Variants in SLC37A1 observed in about 807,000 individuals in gnomAD.
SLC37A1 encodes glucose-6-phosphate exchanger SLC37A1.
SLC37A1 carries 49 observed loss-of-function variants against 75.3 expected under a neutral mutation model. The observed-to-expected ratio is 0.65, with a 90% CI of 0.52 to 0.83. SLC37A1 has a LOEUF of 0.83. Ranked by LOEUF, SLC37A1 falls within the 40% of genes least tolerant of loss-of-function variation. The pLI is 0.00. For missense variants in SLC37A1, 566 were observed against 695.0 expected (o/e 0.81, Z 2.09); for synonymous variants, 268 against 292.1 (o/e 0.92, Z 0.84).
At chr21:42,532,031 T>C (rs228048) in intron 3 of SLC37A1, among the ~76,000 whole-genome samples, 120,898 of 152,034 alleles carry the variant, frequency 0.8, 48,998 homozygotes, top group African/African-American at 0.86. Flanking sequence ...TTTATAGTAA[T>C]GCTGGGACAC....
intron 17 of SLC37A1, among the ~76,000 whole-genome samples, chr21:42,570,075 GTC>G: frequency 6.9e-6 from 1 of 145,676 alleles, no homozygotes; most frequent in African/African-American, 2.6e-5. Context: ...CCGTTGCCAT[GTC>G]ATGCGACACA....
intron 3 of SLC37A1, among the ~76,000 whole-genome samples, chr21:42,533,678 G>T (rs1248920283): frequency 6.6e-6 from 1 of 152,230 alleles, no homozygotes; most frequent in Non-Finnish European, 1.5e-5. Context: ...TCTGCCCAGG[G>T]TTTGTTTCAC....
chr21:42,518,887 C>T (rs1231341037), intron 2 of SLC37A1, among the ~76,000 whole-genome samples: 4 of 152,180 alleles, frequency 2.6e-5, no homozygotes, highest in African/African-American at 7.2e-5. Flanking sequence ...GTGGCCTTGC[C>T]GGGGCAGAAC....
rs559233848 is a variant in SLC37A1, at chr21:42,550,698, A to G, written c.769-3364A>G. On this transcript the variant is annotated intron_variant, in intron 9 of 19. Transcript: ENST00000352133. Reference sequence around the variant, plus strand: ...GATGCAAAACTCAATAGCAGCAACCAGAATTCAGCCACCTACAAAAGGATT... The same window carrying G: ...GATGCAAAACTCAATAGCAGCAACCGGAATTCAGCCACCTACAAAAGGATT... 4.0e-4 allele frequency among the ~76,000 whole-genome samples: 61 copies of G among 152,328 alleles called. 1 individual carries two copies. The highest frequency in any genetic ancestry group is 1.4e-3 in the African/African-American group (59 of 41,564).
chr21:42,567,170 T>G, intron 16 of SLC37A1, 112 bp downstream of exon 16: 1 of 1,108,282 alleles, frequency 9.0e-7, no homozygotes, highest in Non-Finnish European at 1.3e-6. Context: ...AAGCACGTTT[T>G]TGGCAGCTCA....
In SLC37A1 at chr21:42,534,745, G is replaced by T; in HGVS notation, c.186G>T (p.Arg62Ser). ...YCTAWDEADV[R>S]FSSQNRKSGS... The stretch of plus-strand genomic sequence containing the variant: ...CTGCTTGGGATGAAGCTGACGTCAG[G>T]TTCAGCAGCCAGAACAGGAAGTCTG... The change falls in exon 4 of 20, where the codon AGG becomes AGT. Residue 62 changes from arginine to serine, a missense_variant. By Grantham distance (110) the Arg-to-Ser change is moderately radical (BLOSUM62 -1). Coordinates refer to ENST00000352133, the MANE Select transcript of SLC37A1 (RefSeq NM_001320537.2). 1 of 1,614,012 alleles carries T rather than the reference G, an allele frequency of 6.2e-7. No individual in the cohort carries two copies. Among genetic ancestry groups the T allele is most frequent in the Non-Finnish European group, 8.5e-7 (1 of 1,179,976 alleles).
chr21:42,525,894 G>A, intron 3 of SLC37A1, 37 bp downstream of exon 3: 1 of 1,529,138 alleles, frequency 6.5e-7, no homozygotes. Flanking sequence ...TCGTCTCTGT[G>A]AGGAGTTCGT....
At chr21:42,551,141 A>G (rs1322985917) in intron 9 of SLC37A1, among the ~76,000 whole-genome samples, 1 of 152,246 alleles carries the variant, frequency 6.6e-6, no homozygotes, top group Non-Finnish European at 1.5e-5. Flanking sequence ...TGCAGATGAC[A>G]TGATCTTTTA....
rs571162201 is a variant in SLC37A1 at position 42,517,513 on chromosome 21, C to T, written c.-178-764C>T. Among the ~76,000 whole-genome samples, 13 of 152,250 alleles carry T rather than the reference C, an allele frequency of 8.5e-5. No individual in the cohort carries two copies. The East Asian group carries it at 1.5e-3, about 18-fold the overall frequency. Reference sequence around the variant, plus strand: ...ATGTGCATTTTTGGAAGCTCACTTTCGAGGGAGGCAAAAGTGAATGTGGGG... The same window carrying T: ...ATGTGCATTTTTGGAAGCTCACTTTTGAGGGAGGCAAAAGTGAATGTGGGG... On this transcript the variant is annotated intron_variant, in intron 1 of 19. Coordinates refer to ENST00000352133, the MANE Select transcript of SLC37A1 (RefSeq NM_001320537.2).
chr21:42,528,761 G>A (rs1053209745), intron 3 of SLC37A1, among the ~76,000 whole-genome samples: 9 of 152,164 alleles, frequency 5.9e-5, no homozygotes, highest in Non-Finnish European at 1.0e-4. Flanking sequence ...TCCGGGAGGC[G>A]AAGTTTGCAG....
intron 2 of SLC37A1, among the ~76,000 whole-genome samples, chr21:42,520,478 A>G (rs1452059700): frequency 1.3e-5 from 2 of 152,130 alleles, no homozygotes; most frequent in Non-Finnish European, 2.9e-5. Context: ...TGCATTTTTG[A>G]CAGAAATCCC....
chr21:42,523,186 C>T (rs2079256541), intron 2 of SLC37A1, among the ~76,000 whole-genome samples: 3 of 148,466 alleles, frequency 2.0e-5, no homozygotes, highest in Admixed American at 1.3e-4. Flanking sequence ...TTGGAGAATC[C>T]TCCTGCATGG....
At chr21:42,564,939 C>T (rs1436572110) in intron 14 of SLC37A1, 146 bp downstream of exon 14, 9 of 723,478 alleles carry the variant, frequency 1.2e-5, no homozygotes, top group East Asian at 2.8e-5. Context: ...TGTCCCCCGA[C>T]CCCTCCCTTG....
At chr21:42,503,248 CTTTTT>C (rs11444113) in intron 2 of SLC37A1, among the ~76,000 whole-genome samples, 1 of 125,764 alleles carries the variant, frequency 8.0e-6, no homozygotes, top group African/African-American at 3.0e-5. Context: ...AATTATACTC[CTTTTT>C]TTTTTTTTTT....
chr21:42,509,140 T>C (rs1383346234), upstream of SLC37A1: 1 of 152,256 alleles, frequency 6.6e-6, no homozygotes, highest in Non-Finnish European at 1.5e-5. The surrounding 1 kb of genome is among the most constrained non-coding windows in gnomAD (Gnocchi z 4.2). Flanking sequence ...AACTCCTCTG[T>C]CTCATTCCCC....
intron 5 of SLC37A1, among the ~76,000 whole-genome samples, chr21:42,538,294 T>C (rs1569005265): frequency 2.0e-5 from 3 of 152,370 alleles, no homozygotes; most frequent in South Asian, 4.1e-4. Context: ...GGTGAGGTTT[T>C]AGCTGAAATT....
At chr21:42,533,471 C>T (rs1230396826) in intron 3 of SLC37A1, among the ~76,000 whole-genome samples, 2 of 152,158 alleles carry the variant, frequency 1.3e-5, no homozygotes, top group Non-Finnish European at 2.9e-5. Flanking sequence ...TCCTCAGTTT[C>T]CCCCGCAACA....
rs901942195 is a variant in SLC37A1 at position 42,552,875 on chromosome 21, A to G, written c.769-1187A>G. 1.3e-5 allele frequency among the ~76,000 whole-genome samples: 2 copies of G among 152,230 alleles called. No individual in the cohort carries two copies. Among genetic ancestry groups the G allele is most frequent in the Non-Finnish European group, 2.9e-5 (2 of 68,040 alleles). Reference sequence around the variant, plus strand: ...GCCGAGTGCTGGGGAGCAGGAACCCATCTCTGCTTCTGCCTGGAATGGTCG... The same window carrying G: ...GCCGAGTGCTGGGGAGCAGGAACCCGTCTCTGCTTCTGCCTGGAATGGTCG... On this transcript the variant is annotated intron_variant, in intron 9 of 19. Transcript: ENST00000352133. The surrounding 1 kb of genome is among the most constrained non-coding windows in gnomAD (Gnocchi z 4.2).
In SLC37A1 at chr21:42,547,847, C is replaced by T. The variant is rs753727061; in HGVS notation, c.768+707C>T. The T allele has an allele frequency of 3.9e-5, 6 of 153,196 alleles. No individual in the cohort carries two copies. The highest frequency in any genetic ancestry group is 8.7e-5 in the Non-Finnish European group (6 of 68,794). 9.5% of individuals were successfully genotyped at this position (153,196 alleles called of 1,614,324 possible). ...AAAGTCCCTCTGGCCCTCATGCCTG[C>T]TCCCAGCCGCCCCGCTCCCCATGTC... is the stretch of plus-strand genomic sequence containing the variant. On this transcript the variant is annotated intron_variant, in intron 9 of 19. Coordinates refer to ENST00000352133, the MANE Select transcript of SLC37A1 (RefSeq NM_001320537.2). The surrounding 1 kb of genome is among the most constrained non-coding windows in gnomAD (Gnocchi z 6.1).
Sources: allele counts gnomAD v4.1 joint callset (sites outside exome capture counted in the v4.1 genomes callset), GRCh38; gene constraint gnomAD v4.1.1; non-coding constraint Gnocchi (gnomAD v3.1); transcripts MANE v1.5; gene names NCBI Gene and HGNC (gene_info 2026-07-23, HGNC 2026-07-21).